LRRTM4: variants seen among roughly 807,000 people sequenced by gnomAD.
The protein encoded by LRRTM4 is leucine-rich repeat transmembrane neuronal protein 4.
In LRRTM4, 25 loss-of-function variants were observed where a neutral mutation model predicts 47.6. The observed-to-expected ratio is 0.53, with a 90% CI of 0.38 to 0.73. The LOEUF (loss-of-function observed/expected upper bound fraction) is 0.73, where lower values mean the gene tolerates loss of function less well. Ranked by LOEUF, LRRTM4 falls within the 30% of genes least tolerant of loss-of-function variation. The probability of loss-of-function intolerance (pLI) is 0.00; values close to 1 mark genes in which losing one functional copy is unlikely to be tolerated. For synonymous variants in LRRTM4, 311 were observed against 269.5 expected (o/e 1.15, Z -1.51); for missense variants, 638 against 713.4 (o/e 0.89, Z 1.20).
chr2:76,908,916 G>A (rs1673948017), intron 3 of LRRTM4, among the ~76,000 whole-genome samples: 1 of 152,146 alleles, frequency 6.6e-6, no homozygotes, highest in South Asian at 2.1e-4. Flanking sequence ...TGGCCATACT[G>A]CCCAAGGTAA....
At chr2:77,019,802 A>C (rs920026729) in intron 3 of LRRTM4, among the ~76,000 whole-genome samples, 1 of 152,128 alleles carries the variant, frequency 6.6e-6, no homozygotes, top group Non-Finnish European at 1.5e-5. Context: ...GTGAGGCTCC[A>C]ATATAATAAA....
chr2:77,377,386 T>C (rs966341430), intron 3 of LRRTM4, among the ~76,000 whole-genome samples: 8 of 152,022 alleles, frequency 5.3e-5, no homozygotes, highest in African/African-American at 1.7e-4. Flanking sequence ...AGTTCTAAAA[T>C]TGTATGTGTA....
At chr2:77,152,550 G>A (rs1672457919) in intron 3 of LRRTM4, among the ~76,000 whole-genome samples, 1 of 151,948 alleles carries the variant, frequency 6.6e-6, no homozygotes, top group African/African-American at 2.4e-5. Context: ...CAATGGTCTT[G>A]ATCTCCTGAC....
intron 3 of LRRTM4, among the ~76,000 whole-genome samples, chr2:77,349,290 A>G (rs1174960441): frequency 6.6e-6 from 1 of 152,026 alleles, no homozygotes; most frequent in Admixed American, 6.5e-5. Context: ...ACTTAGAAAA[A>G]CAGATGGGAA....
intron 3 of LRRTM4, among the ~76,000 whole-genome samples, chr2:76,825,763 GC>G (rs1158287959): frequency 6.6e-6 from 1 of 151,480 alleles, no homozygotes; most frequent in African/African-American, 2.4e-5. Flanking sequence ...CAAAGGTCGA[GC>G]TGCAGAAGGT....
chr2:76,772,842 A>G (rs995115688), intron 3 of LRRTM4: 5 of 152,186 alleles, frequency 3.3e-5, no homozygotes, highest in Admixed American at 3.3e-4. Flanking sequence ...ATTGTGACTA[A>G]TTTATAAATT....
At chr2:76,822,804 T>A (rs55729947) in intron 3 of LRRTM4, among the ~76,000 whole-genome samples, 2 of 151,134 alleles carry the variant, frequency 1.3e-5, no homozygotes, top group Non-Finnish European at 3.0e-5. Context: ...TATTTATTAT[T>A]TATTTATTTA....
chr2:77,069,335 C>T (rs867126837), intron 3 of LRRTM4, among the ~76,000 whole-genome samples: 6 of 150,466 alleles, frequency 4.0e-5, no homozygotes, highest in Middle Eastern at 3.4e-3. Context: ...CATGTGGATA[C>T]GTTTTTTAGA....
At chr2:77,052,746 T>G (rs535863447) in intron 3 of LRRTM4, among the ~76,000 whole-genome samples, 1 of 152,112 alleles carries the variant, frequency 6.6e-6, no homozygotes, top group African/African-American at 2.4e-5. Context: ...GCAAGTATCC[T>G]CGTGAAAGTT....
At chr2:77,163,646 G>T (rs1672794700) in intron 3 of LRRTM4, among the ~76,000 whole-genome samples, 1 of 152,116 alleles carries the variant, frequency 6.6e-6, no homozygotes, top group South Asian at 2.1e-4. Flanking sequence ...GAGAGTGGGG[G>T]CCAATATTCA....
intron 3 of LRRTM4, among the ~76,000 whole-genome samples, chr2:77,187,803 A>C (rs958663289): frequency 6.6e-6 from 1 of 152,092 alleles, no homozygotes; most frequent in Non-Finnish European, 1.5e-5. Flanking sequence ...TTACACAAGC[A>C]TGCAGATTAA....
At chr2:77,321,881 A>G (rs1027729423) in intron 3 of LRRTM4, among the ~76,000 whole-genome samples, 1 of 152,164 alleles carries the variant, frequency 6.6e-6, no homozygotes, top group African/African-American at 2.4e-5. Context: ...ACACAGAACA[A>G]AGAAATCCTC....
At chr2:76,964,844 G>A (rs898605930) in intron 3 of LRRTM4, among the ~76,000 whole-genome samples, 7 of 150,016 alleles carry the variant, frequency 4.7e-5, no homozygotes, top group African/African-American at 1.7e-4. Flanking sequence ...ATCCATACCA[G>A]ATATAAAAAC....
In LRRTM4 at chr2:77,183,633, T is replaced by C. The variant is rs564963495; in HGVS notation, c.1551+334685A>G. On this transcript the variant is annotated intron_variant, in intron 3 of 3. Transcript: ENST00000409884. ...GCTGCTATAAAGATACATGCACACGTATGTTTATTGTGGCACTATTCACAA... is the reference window on the plus strand; with the variant it reads ...GCTGCTATAAAGATACATGCACACGCATGTTTATTGTGGCACTATTCACAA... 1.1e-3 allele frequency among the ~76,000 whole-genome samples: 170 copies of C among 152,282 alleles called. 2 individuals carry two copies. Among genetic ancestry groups the C allele is most frequent in the African/African-American group, 3.3e-3 (136 of 41,568 alleles).
intron 3 of LRRTM4, among the ~76,000 whole-genome samples, chr2:76,757,604 C>T (rs1269093960): frequency 3.9e-5 from 6 of 152,024 alleles, no homozygotes; most frequent in Non-Finnish European, 5.9e-5. Flanking sequence ...TAAATTAGAA[C>T]GAGTAAAGTC....
At chr2:77,204,577 G>C (rs1228696089) in intron 3 of LRRTM4, among the ~76,000 whole-genome samples, 1 of 152,138 alleles carries the variant, frequency 6.6e-6, no homozygotes, top group African/African-American at 2.4e-5. Context: ...GTTTGATGCT[G>C]TTTCTTCAGG....
intron 3 of LRRTM4, among the ~76,000 whole-genome samples, chr2:76,966,457 G>T (rs10197446): frequency 2.0e-5 from 3 of 151,322 alleles, no homozygotes; most frequent in African/African-American, 7.3e-5. Flanking sequence ...AGTAATAAAA[G>T]AAACAAATAT....
At chr2:77,018,690 C>A (rs764633495) in intron 3 of LRRTM4, among the ~76,000 whole-genome samples, 10 of 152,150 alleles carry the variant, frequency 6.6e-5, no homozygotes, top group Non-Finnish European at 1.3e-4. Flanking sequence ...AGAAGTACAG[C>A]TGAAGGTTTA....
rs1462083315 is a variant in LRRTM4 at position 77,122,431 on chromosome 2, G to T, written c.1552-373515C>A. Reference sequence around the variant, plus strand: ...CAGATGTAAACATATATATGTGTGTGTATAGATATACATATTATACACATA... The same window carrying T: ...CAGATGTAAACATATATATGTGTGTTTATAGATATACATATTATACACATA... On this transcript the variant is annotated intron_variant, in intron 3 of 3. Coordinates refer to ENST00000409884, the MANE Select transcript of LRRTM4 (RefSeq NM_001134745.3). 2.0e-5 allele frequency among the ~76,000 whole-genome samples: 3 copies of T among 150,320 alleles called. No individual in the cohort carries two copies. The East Asian group carries it at 5.8e-4, about 29-fold the overall frequency.
Sources: gnomAD v4.1 joint callset for allele counts (sites outside exome capture counted in the v4.1 genomes callset) on GRCh38, gnomAD v4.1.1 for gene constraint, MANE v1.5 for transcripts, NCBI Gene and HGNC (gene_info 2026-07-23, HGNC 2026-07-21) for gene names.